The following MAGI2 variants were observed in gnomAD, a reference collection of about 807,000 sequenced individuals.
MAGI2 encodes membrane associated guanylate kinase, WW and PDZ domain containing 2, also known as membrane-associated guanylate kinase, WW and PDZ domain-containing protein 2.
A neutral mutation model predicts 133.3 loss-of-function variants in MAGI2; 35 were observed. The ratio of observed to expected loss-of-function variants is 0.26; its 90% confidence interval spans 0.20 to 0.35. The LOEUF is 0.35. Among genes scored for constraint, MAGI2 ranks in the 10% least tolerant of loss-of-function variants. MAGI2 has a pLI of 1.00. For missense variants in MAGI2, 1,636 were observed against 1,863.4 expected (o/e 0.88, Z 2.25); for synonymous variants, 729 against 710.6 (o/e 1.03, Z -0.41).
intron 7 of MAGI2, among the ~76,000 whole-genome samples, chr7:78,346,852 G>A (rs1177355444): frequency 6.6e-6 from 1 of 152,174 alleles, no homozygotes; most frequent in African/African-American, 2.4e-5. Context: ...GAGAGGGCTG[G>A]CATATACATT....
intron 1 of MAGI2, among the ~76,000 whole-genome samples, chr7:79,382,931 A>G (rs1232818395): frequency 6.6e-6 from 1 of 151,654 alleles, no homozygotes; most frequent in East Asian, 1.9e-4. Context: ...AAATCTTTGT[A>G]GTTTGCTAAC....
chr7:78,476,940 T>C (rs899077052), intron 6 of MAGI2, among the ~76,000 whole-genome samples: 1 of 152,032 alleles, frequency 6.6e-6, no homozygotes. Flanking sequence ...CACTGTTTTA[T>C]GATGCATAGC....
At chr7:79,077,458 C>A (rs1203297821) in intron 1 of MAGI2, among the ~76,000 whole-genome samples, 6 of 150,466 alleles carry the variant, frequency 4.0e-5, no homozygotes, top group Non-Finnish European at 1.5e-5. Context: ...CTAAGTAGTC[C>A]CAGCTACTCA....
At chr7:78,486,677 GACA>G (rs1290209375) in intron 6 of MAGI2, 114 of 387,712 alleles carry the variant, frequency 2.9e-4, no homozygotes, top group Middle Eastern at 4.5e-4. Context: ...CAACAATGGC[GACA>G]ACGATGGTTC....
chr7:78,438,425 T>A (rs1011481548), intron 6 of MAGI2, among the ~76,000 whole-genome samples: 1 of 152,152 alleles, frequency 6.6e-6, no homozygotes, highest in African/African-American at 2.4e-5. Context: ...AATATATGAA[T>A]CTGGTACGAG....
intron 1 of MAGI2, among the ~76,000 whole-genome samples, chr7:79,183,544 CA>C (rs1826803292): frequency 6.6e-6 from 1 of 151,734 alleles, no homozygotes; most frequent in African/African-American, 2.4e-5. Flanking sequence ...ATATATTCCA[CA>C]AATATTTTTT....
chr7:78,461,778 G>T (rs1790047335), intron 6 of MAGI2, among the ~76,000 whole-genome samples: 1 of 151,666 alleles, frequency 6.6e-6, no homozygotes, highest in East Asian at 2.0e-4. Context: ...GGGCGTGGTG[G>T]TGCATGCCTG....
chr7:79,423,574 ATAAT>A (rs1847126810), intron 1 of MAGI2, among the ~76,000 whole-genome samples: 1 of 152,100 alleles, frequency 6.6e-6, no homozygotes, highest in South Asian at 2.1e-4. Context: ...CTTTCAATAA[ATAAT>A]TAAAAAATTA....
At chr7:78,988,651 C>T (rs1311011161) in intron 2 of MAGI2, among the ~76,000 whole-genome samples, 1 of 152,084 alleles carries the variant, frequency 6.6e-6, no homozygotes, top group Non-Finnish European at 1.5e-5. Context: ...CAAAATTTTA[C>T]AACTTGGTGA....
At chr7:78,474,136 T>TA (rs1791508080) in intron 6 of MAGI2, among the ~76,000 whole-genome samples, 1 of 151,790 alleles carries the variant, frequency 6.6e-6, no homozygotes, top group Non-Finnish European at 1.5e-5. Flanking sequence ...CATATGCTGA[T>TA]ATGACTATAA....
chr7:79,235,072 C>T (rs1479395307), intron 1 of MAGI2, among the ~76,000 whole-genome samples: 3 of 151,680 alleles, frequency 2.0e-5, no homozygotes, highest in African/African-American at 4.9e-5. Context: ...GTCAGTGTGC[C>T]CCTGCTGGGG....
chr7:78,613,827 G>A (rs983951380), intron 3 of MAGI2, among the ~76,000 whole-genome samples: 1 of 152,112 alleles, frequency 6.6e-6, no homozygotes, highest in Admixed American at 6.6e-5. Context: ...TATATACAGA[G>A]GCCTGGTGCA....
chr7:78,813,785 C>CTCAAATTA, intron 2 of MAGI2, among the ~76,000 whole-genome samples: 1 of 96,780 alleles, frequency 1.0e-5, no homozygotes, highest in Admixed American at 1.2e-4. Context: ...GATTCTGTCT[C>CTCAAATTA]AAAAAAAAAA....
intron 1 of MAGI2, among the ~76,000 whole-genome samples, chr7:79,087,601 G>A (rs564914577): frequency 8.8e-4 from 133 of 151,612 alleles, no homozygotes; most frequent in Non-Finnish European, 1.6e-3. Flanking sequence ...ATTAAAAGTG[G>A]AAGATTCTAG....
intron 9 of MAGI2, among the ~76,000 whole-genome samples, chr7:78,296,943 CAT>C (rs768752119): frequency 2.6e-5 from 4 of 152,190 alleles, no homozygotes; most frequent in Non-Finnish European, 5.9e-5. Flanking sequence ...GAGGAGAAGT[CAT>C]GTGCTATAGC....
At chr7:79,361,874 T>C (rs1842399242) in intron 1 of MAGI2, among the ~76,000 whole-genome samples, 1 of 151,864 alleles carries the variant, frequency 6.6e-6, no homozygotes, top group Admixed American at 6.6e-5. Flanking sequence ...GGAAGTAATA[T>C]AAATGAAAAC....
chr7:79,095,183 T>C (rs938975940), intron 1 of MAGI2, among the ~76,000 whole-genome samples: 6 of 152,244 alleles, frequency 3.9e-5, no homozygotes, highest in Admixed American at 3.3e-4. Flanking sequence ...CAACTTTTCA[T>C]CTGCAGCTTC....
intron 5 of MAGI2, among the ~76,000 whole-genome samples, chr7:78,494,857 T>C (rs1041026584): frequency 3.9e-5 from 6 of 152,190 alleles, no homozygotes. Context: ...TGAATCTCAA[T>C]CTTAAACTGA....
chr7:79,272,587 A>G (rs1834953826), intron 1 of MAGI2, among the ~76,000 whole-genome samples: 2 of 152,122 alleles, frequency 1.3e-5, no homozygotes, highest in African/African-American at 4.8e-5. Context: ...TTGTTTTCAA[A>G]GCAGAAACAA....
Sources: gnomAD v4.1 joint callset for allele counts (sites outside exome capture counted in the v4.1 genomes callset) on GRCh38, gnomAD v4.1.1 for gene constraint, MANE v1.5 for transcripts, NCBI Gene and HGNC (gene_info 2026-07-23, HGNC 2026-07-21) for gene names.